The following GPC6 variants were observed in gnomAD, a reference collection of about 807,000 sequenced individuals.
GPC6 encodes the protein glypican-6.
In GPC6, 14 loss-of-function variants were observed where a neutral mutation model predicts 55.2. The observed-to-expected ratio is 0.25, with a 90% CI of 0.17 to 0.40. GPC6 has a LOEUF of 0.40. Ranked by LOEUF, GPC6 falls within the 10% of genes least tolerant of loss-of-function variation. GPC6 has a pLI of 1.00. For missense variants in GPC6, 641 were observed against 708.5 expected, an observed-to-expected ratio of 0.90 and a Z score of 1.08; for synonymous variants, 278 against 259.6, an observed-to-expected ratio of 1.07 and a Z score of -0.68.
intron 3 of GPC6, among the ~76,000 whole-genome samples, chr13:93,899,088 G>A (rs1444830429): frequency 6.6e-6 from 1 of 151,468 alleles, no homozygotes; most frequent in African/African-American, 2.4e-5. Context: ...AATGACTTAT[G>A]TGCTTTCATG....
chr13:94,387,193 T>C (rs1880447573), intron 7 of GPC6, among the ~76,000 whole-genome samples: 1 of 152,046 alleles, frequency 6.6e-6, no homozygotes, highest in Non-Finnish European at 1.5e-5. Flanking sequence ...TGAACCCACT[T>C]TCATCCCCCT....
intron 1 of GPC6, among the ~76,000 whole-genome samples, chr13:93,258,035 A>G (rs904605860): frequency 1.3e-5 from 2 of 152,200 alleles, no homozygotes; most frequent in Non-Finnish European, 2.9e-5. Flanking sequence ...CATTATGGGT[A>G]AAACTTTGTA....
At chr13:93,797,587 G>A (rs58232472) in intron 2 of GPC6, among the ~76,000 whole-genome samples, 4,385 of 152,244 alleles carry the variant, frequency 0.029, 194 homozygotes, top group East Asian at 0.16. Context: ...TAACTATAAG[G>A]AAGTGGCTCT....
At chr13:93,630,090 T>C (rs945509765) in intron 2 of GPC6, among the ~76,000 whole-genome samples, 1 of 152,226 alleles carries the variant, frequency 6.6e-6, no homozygotes, top group South Asian at 2.1e-4. Context: ...TAGGTGTTAC[T>C]ATCATTACTA....
chr13:93,906,728 T>C (rs1233241879), intron 3 of GPC6, among the ~76,000 whole-genome samples: 1 of 152,156 alleles, frequency 6.6e-6, no homozygotes, highest in East Asian at 1.9e-4. Context: ...CATTTCCCTT[T>C]AGGTATCTTT....
intron 2 of GPC6, among the ~76,000 whole-genome samples, chr13:93,703,032 A>G (rs1433948213): frequency 6.6e-6 from 1 of 151,998 alleles, no homozygotes; most frequent in East Asian, 1.9e-4. Context: ...TAGCTGTCAC[A>G]AGAGACCTAG....
At chr13:94,124,404 A>T (rs1886736317) in intron 4 of GPC6, among the ~76,000 whole-genome samples, 1 of 152,150 alleles carries the variant, frequency 6.6e-6, no homozygotes, top group Non-Finnish European at 1.5e-5. Flanking sequence ...TGCAAAGATA[A>T]TCAAGTCATG....
chr13:93,450,561 C>A (rs1328348055), intron 1 of GPC6, among the ~76,000 whole-genome samples: 1 of 152,182 alleles, frequency 6.6e-6, no homozygotes, highest in African/African-American at 2.4e-5. Context: ...TTCTTTGCAG[C>A]TGTGGGGACT....
At chr13:93,345,712 T>A (rs1324379543) in intron 1 of GPC6, among the ~76,000 whole-genome samples, 1 of 152,188 alleles carries the variant, frequency 6.6e-6, no homozygotes, top group Non-Finnish European at 1.5e-5. Context: ...AATTAGCTGA[T>A]GATGGATTTT....
intron 3 of GPC6, among the ~76,000 whole-genome samples, chr13:93,854,225 G>A (rs1386415983): frequency 6.6e-6 from 1 of 151,600 alleles, no homozygotes; most frequent in African/African-American, 2.4e-5. Context: ...TAAACACTGA[G>A]TGAGCAGTTT....
intron 3 of GPC6, among the ~76,000 whole-genome samples, chr13:93,965,183 G>A (rs118102429): frequency 2.0e-4 from 30 of 147,540 alleles, no homozygotes; most frequent in Middle Eastern, 3.4e-3. Flanking sequence ...AGGCTGATGC[G>A]GGCAGATCAC....
At chr13:93,438,884 T>A (rs987113363) in intron 1 of GPC6, among the ~76,000 whole-genome samples, 6 of 152,008 alleles carry the variant, frequency 3.9e-5, no homozygotes, top group Non-Finnish European at 8.8e-5. Context: ...ATAGGACACA[T>A]TTTATTGTTG....
At chr13:93,734,950 GT>G (rs1406026665) in intron 2 of GPC6, among the ~76,000 whole-genome samples, 1 of 151,916 alleles carries the variant, frequency 6.6e-6, no homozygotes, top group African/African-American at 2.4e-5. Context: ...AAATTACAAG[GT>G]TTCCCCTAAT....
At chr13:93,516,693 CA>C (rs2139393173) in intron 1 of GPC6, among the ~76,000 whole-genome samples, 1 of 152,002 alleles carries the variant, frequency 6.6e-6, no homozygotes, top group South Asian at 2.1e-4. Context: ...AAAACAAAAC[CA>C]AAAAGGTATT....
chr13:94,268,706 G>A (rs1891890812), intron 4 of GPC6, among the ~76,000 whole-genome samples: 1 of 152,090 alleles, frequency 6.6e-6, no homozygotes, highest in Non-Finnish European at 1.5e-5. Context: ...TCTGGCATAG[G>A]TACGTAAAGA....
At chr13:94,277,274 TG>T (rs762287038) in intron 4 of GPC6, among the ~76,000 whole-genome samples, 20 of 93,380 alleles carry the variant, frequency 2.1e-4, no homozygotes, top group East Asian at 1.1e-3. Flanking sequence ...GACTTTTTGA[TG>T]GGTTTTTTTT....
chr13:94,061,237 T>C (rs750298594), intron 4 of GPC6, among the ~76,000 whole-genome samples: 8 of 152,196 alleles, frequency 5.3e-5, no homozygotes, highest in Admixed American at 1.3e-4. Context: ...TAAACATGCC[T>C]TCAAACAGCC....
intron 3 of GPC6, among the ~76,000 whole-genome samples, chr13:93,912,553 C>T (rs564239437): frequency 3.3e-5 from 5 of 152,170 alleles, no homozygotes; most frequent in Non-Finnish European, 1.5e-5. Flanking sequence ...ACCATCCTGG[C>T]TAACACGGTG....
At chr13:93,235,548 T>C (rs1019186116) in intron 1 of GPC6, among the ~76,000 whole-genome samples, 1 of 151,794 alleles carries the variant, frequency 6.6e-6, no homozygotes, top group African/African-American at 2.4e-5. Flanking sequence ...TTTAGAGGCT[T>C]AGGCAGGAGA....
Sources: gnomAD v4.1 joint callset for allele counts (sites outside exome capture counted in the v4.1 genomes callset) on GRCh38, gnomAD v4.1.1 for gene constraint, MANE v1.5 for transcripts, NCBI Gene and HGNC (gene_info 2026-07-23, HGNC 2026-07-21) for gene names.